RFX3: variants seen among roughly 807,000 people sequenced by gnomAD.
RFX3 encodes transcription factor RFX3.
Under a neutral mutation model 98.6 loss-of-function variants are expected in RFX3, and 14 were observed. The ratio of observed to expected loss-of-function variants is 0.14; its 90% CI spans 0.09 to 0.22. The LOEUF is 0.22. Ranked by LOEUF, RFX3 falls within the 10% of genes least tolerant of loss-of-function variation. RFX3 has a pLI of 1.00. For synonymous variants in RFX3, 383 were observed against 328.4 expected (o/e 1.17, Z -1.80); for missense variants, 639 against 926.9 (o/e 0.69, Z 4.03).
intron 2 of RFX3, among the ~76,000 whole-genome samples, chr9:3,349,663 G>C (rs1425254401): frequency 1.3e-5 from 2 of 151,652 alleles, no homozygotes; most frequent in African/African-American, 2.4e-5. Flanking sequence ...TATCTTTTTA[G>C]ACAAACGTGC....
intron 15 of RFX3, among the ~76,000 whole-genome samples, chr9:3,243,837 C>G (rs1370655636): frequency 6.6e-6 from 1 of 152,162 alleles, no homozygotes; most frequent in Non-Finnish European, 1.5e-5. Flanking sequence ...CTACTCCAAT[C>G]CTACTCCAAT....
At chr9:3,281,169 C>G (rs754703773) in intron 7 of RFX3, among the ~76,000 whole-genome samples, 5 of 151,408 alleles carry the variant, frequency 3.3e-5, no homozygotes, top group Non-Finnish European at 5.9e-5. Flanking sequence ...CTTTTATATT[C>G]TATTGGCTTA....
chr9:3,238,490 C>T (rs1819479667), intron 15 of RFX3, among the ~76,000 whole-genome samples: 1 of 152,202 alleles, frequency 6.6e-6, no homozygotes, highest in African/African-American at 2.4e-5. Context: ...GAGTTATCAG[C>T]ATGTAAACCT....
Position 3,228,277 on chromosome 9 carries a change from G to C in RFX3, c.2011+570C>G, listed in dbSNP as rs74737926. 8.8e-3 allele frequency among the ~76,000 whole-genome samples: 1,343 copies of C among 152,154 alleles called. 15 individuals are homozygous for C. Among genetic ancestry groups the C allele is most frequent in the African/African-American group, 0.031 (1,278 of 41,496 alleles). On this transcript the variant is annotated intron_variant, in intron 16 of 16. Coordinates refer to ENST00000617270, the MANE Select transcript of RFX3 (RefSeq NM_001282116.2). ...TTTATTGTGTGATTTTGTTGATCTT[G>C]AGGTTCTTCAGAAATATATATCATG...
At chr9:3,525,619 C>G (rs1819208858) in intron 1 of RFX3, 128 bp downstream of exon 1, 1 of 153,490 alleles carries the variant, frequency 6.5e-6, no homozygotes, top group Admixed American at 6.5e-5. Context: ...CGGCAGCCCC[C>G]GTGTCAGGAG....
intron 1 of RFX3, among the ~76,000 whole-genome samples, chr9:3,506,668 A>G (rs139754252): frequency 7.1e-4 from 108 of 151,986 alleles, no homozygotes; most frequent in African/African-American, 2.6e-3. Context: ...TTATATCTAT[A>G]TATAGATATA....
intron 4 of RFX3, among the ~76,000 whole-genome samples, chr9:3,319,907 A>G (rs1265027702): frequency 6.6e-6 from 1 of 152,142 alleles, no homozygotes; most frequent in Non-Finnish European, 1.5e-5. Context: ...ACAAACATCA[A>G]CTTTCATTCC....
intron 2 of RFX3, among the ~76,000 whole-genome samples, chr9:3,352,398 T>C (rs144039749): frequency 6.6e-6 from 1 of 152,018 alleles, no homozygotes; most frequent in African/African-American, 2.4e-5. Flanking sequence ...GAAAAAACTA[T>C]CATCTTTTAT....
At chr9:3,383,176 T>C (rs1839370563) in intron 2 of RFX3, among the ~76,000 whole-genome samples, 1 of 152,156 alleles carries the variant, frequency 6.6e-6, no homozygotes, top group Non-Finnish European at 1.5e-5. Flanking sequence ...TTTTTAAGGT[T>C]CTATATTTAT....
chr9:3,249,772 C>A (rs904828512), intron 14 of RFX3, among the ~76,000 whole-genome samples: 3 of 151,954 alleles, frequency 2.0e-5, no homozygotes, highest in African/African-American at 7.2e-5. Context: ...AAAGTTTAGC[C>A]TAAGAGTCAA....
At chr9:3,246,552 G>A (rs1319772316) in intron 15 of RFX3, among the ~76,000 whole-genome samples, 2 of 152,318 alleles carry the variant, frequency 1.3e-5, no homozygotes, top group Non-Finnish European at 2.9e-5. Context: ...GAGCATATGA[G>A]GTAGTGGCAA....
chr9:3,299,237 T>C (rs2920374), intron 5 of RFX3, among the ~76,000 whole-genome samples: 17,666 of 151,744 alleles, frequency 0.12, 2,834 homozygotes, highest in African/African-American at 0.37. Flanking sequence ...TGTAAAATAC[T>C]TTTAGCAAAT....
chr9:3,485,461 T>A (rs569729092), intron 1 of RFX3, among the ~76,000 whole-genome samples: 2 of 152,316 alleles, frequency 1.3e-5, no homozygotes, highest in South Asian at 4.1e-4. Flanking sequence ...CAGGTTTGAC[T>A]CACTCAAAAA....
At chr9:3,492,582 T>A (rs1488402302) in intron 1 of RFX3, among the ~76,000 whole-genome samples, 1 of 152,174 alleles carries the variant, frequency 6.6e-6, no homozygotes, top group Admixed American at 6.5e-5. Context: ...TACTCAACTC[T>A]ACGCCTACAG....
Position 3,222,580 on chromosome 9 carries a change from C to T in RFX3, c.*2462G>A, listed in dbSNP as rs543244801. The T allele has an allele frequency of 3.3e-5, 5 of 152,220 alleles. No individual in the cohort carries two copies. Among genetic ancestry groups the T allele is most frequent in the African/African-American group, 1.2e-4 (5 of 41,512 alleles). The allele number at this position is 152,220 out of a possible 1,614,324, so 9.4% of individuals were successfully genotyped here. On this transcript the variant is annotated 3_prime_UTR_variant, in exon 17 of 17. Transcript: ENST00000617270. ...TTGGTCCAATACAGATATAGTATCA[C>T]TCAAAGGATGGCGGGTAGAGACAGG...
intron 4 of RFX3, among the ~76,000 whole-genome samples, chr9:3,329,421 AAAAAAAAC>A (rs1484392634): frequency 2.7e-5 from 4 of 150,064 alleles, no homozygotes; most frequent in African/African-American, 9.8e-5. Flanking sequence ...AAAAAAAAAA[AAAAAAAAC>A]AAAAAACCAC....
chr9:3,380,195 G>A (rs886702316), intron 2 of RFX3, among the ~76,000 whole-genome samples: 1 of 152,062 alleles, frequency 6.6e-6, no homozygotes, highest in Non-Finnish European at 1.5e-5. Context: ...CCAAAGTGCT[G>A]GGATTACAGG....
intron 1 of RFX3, among the ~76,000 whole-genome samples, chr9:3,401,480 T>C (rs534373275): frequency 7.2e-5 from 11 of 152,340 alleles, no homozygotes; most frequent in African/African-American, 2.4e-4. Context: ...GTTTTGTTTA[T>C]GTTTGGGAGT....
chr9:3,248,561 T>C (rs1375249074), intron 14 of RFX3, among the ~76,000 whole-genome samples: 1 of 152,222 alleles, frequency 6.6e-6, no homozygotes, highest in African/African-American at 2.4e-5. Flanking sequence ...ATCCTATTGA[T>C]GAAGGTTGGC....
Sources: allele counts gnomAD v4.1 joint callset (sites outside exome capture counted in the v4.1 genomes callset), GRCh38; gene constraint gnomAD v4.1.1; transcripts MANE v1.5; gene names NCBI Gene and HGNC (gene_info 2026-07-23, HGNC 2026-07-21).